Variants in KDM5B observed in about 807,000 individuals in gnomAD.
KDM5B encodes lysine demethylase 5B.
In KDM5B, 144 loss-of-function variants were observed where a neutral mutation model predicts 193.4. That is an observed-to-expected ratio of 0.74 (90% CI 0.65 to 0.86). The LOEUF is 0.86. Among genes scored for constraint, KDM5B ranks in the 40% least tolerant of loss-of-function variants. The probability of loss-of-function intolerance (pLI) is 0.00; values close to 1 mark genes in which losing one functional copy is unlikely to be tolerated. For synonymous variants in KDM5B, 668 were observed against 682.6 expected (o/e 0.98, Z 0.33); for missense variants, 1,833 against 1,886.9 (o/e 0.97, Z 0.53).
chr1:202,741,089 C>T (rs1024686311), intron 19 of KDM5B, among the ~76,000 whole-genome samples: 5 of 152,140 alleles, frequency 3.3e-5, no homozygotes, highest in African/African-American at 7.2e-5. Flanking sequence ...CTCAAAGACA[C>T]GATATTAACA....
In KDM5B at chr1:202,758,465, T is replaced by G; in HGVS notation, c.1123A>C (p.Arg375=). 6.2e-7 allele frequency: 1 copy of G among 1,612,090 alleles called. No homozygotes were observed. The highest frequency in any genetic ancestry group is 8.5e-7 in the Non-Finnish European group (1 of 1,178,538). ...CCAAAAGTACGGAGGGTATAGTCCC[T>G]GGCTGCTTGTTCAAAGCCAAATGCT... ...QEAFGFEQAA[R]DYTLRTFGEM... Residue 375 remains arginine, a synonymous_variant, in exon 9 of 27, where the codon AGG becomes CGG. Coordinates refer to ENST00000367265, the MANE Select transcript of KDM5B (RefSeq NM_006618.5).
intron 20 of KDM5B, among the ~76,000 whole-genome samples, chr1:202,737,994 G>C (rs1655158686): frequency 6.6e-6 from 1 of 152,188 alleles, no homozygotes; most frequent in African/African-American, 2.4e-5. Flanking sequence ...ATAAATTAAT[G>C]CTATTCCTAT....
At chr1:202,775,856 CAAA>C (rs35222749) in intron 2 of KDM5B, among the ~76,000 whole-genome samples, 159 of 21,416 alleles carry the variant, frequency 7.4e-3, no homozygotes, top group African/African-American at 0.012. Flanking sequence ...ACTCTTGTCT[CAAA>C]AAAAAAAAAA....
chr1:202,808,354 G>T lies in KDM5B; in HGVS notation c.-49C>A, dbSNP rs774117977. On this transcript the variant is annotated 5_prime_UTR_variant, in exon 1 of 27. Transcript: ENST00000367265. ...GGCGAAGGTGGGCTCCGGGACCGAG[G>T]CTGCGAGCTCCGCTCGGTCCGAGAC... 13 of 1,486,160 alleles carry T rather than the reference G, an allele frequency of 8.7e-6. No homozygotes were observed. The highest frequency in any genetic ancestry group is 1.1e-5 in the Non-Finnish European group (12 of 1,117,546). 92.1% of individuals were successfully genotyped at this position (1,486,160 alleles called of 1,614,324 possible). A position where few individuals can be genotyped will look rare whatever the true frequency, so the allele number is the denominator to read the frequency against.
At position 202,764,135 on chromosome 1, in the gene KDM5B, A is replaced by G. The variant is rs747537029; in HGVS notation, c.722T>C (p.Ile241Thr). The G allele has an allele frequency of 6.5e-7, 1 of 1,536,870 alleles. No homozygotes were observed. The highest frequency in any genetic ancestry group is 1.2e-5 in the South Asian group (1 of 81,966). ...CGTTGTCTCCTCGGGTTCTATTTTA[A>G]TATTCATGGCCTTAAAAAAATTGTC... The part of the protein sequence containing the change: ...AKRMRAEAMN[I>T]KIEPEETTEA... The change falls in exon 6 of 27, where the codon ATT (isoleucine) becomes ACT (threonine). Residue 241 changes from isoleucine (I) to threonine (T), a missense_variant. Physicochemically the swap from Ile to Thr is moderately conservative, Grantham distance 89 (BLOSUM62 -1). Around this residue, in one of 3 missense-constraint regions of KDM5B, gnomAD observed 355 missense variants for 374.9 expected, o/e 0.95. Coordinates refer to ENST00000367265, the MANE Select transcript of KDM5B (RefSeq NM_006618.5).
At chr1:202,792,510 G>C (rs1443182146) in intron 1 of KDM5B, among the ~76,000 whole-genome samples, 1 of 152,100 alleles carries the variant, frequency 6.6e-6, no homozygotes, top group African/African-American at 2.4e-5. Context: ...GAGTTGATGA[G>C]CCAGGAGTTT....
At position 202,730,893 on chromosome 1, in the gene KDM5B, C is replaced by T; in HGVS notation, c.4176+16G>A. On this transcript the variant is annotated intron_variant, in intron 25 of 26. Transcript: ENST00000367265. ...CCCAGACTGTGCCTTGCCCCAGAAG[C>T]CTCTCAGACACTCACCTTCTCACTG... 1.9e-6 allele frequency: 3 copies of T among 1,574,106 alleles called. No individual in the cohort carries two copies. Among genetic ancestry groups the T allele is most frequent in the Non-Finnish European group, 2.6e-6 (3 of 1,157,142 alleles).
At position 202,741,670 on chromosome 1, in the gene KDM5B, G is replaced by A; in HGVS notation, c.2642C>T (p.Ser881Phe). 1 of 1,613,842 alleles carries A rather than the reference G, an allele frequency of 6.2e-7. No individual in the cohort carries two copies. The highest frequency in any genetic ancestry group is 8.5e-7 in the Non-Finnish European group (1 of 1,179,940). ...CTCCGCAGCACTAGGCGTTTCCTCA[G>A]AGAGTAGTTTCTGACTATGCTGTTG... Reference protein sequence around the residue: ...DFQQHSQKLLSEETPSAAELQ... With the variant: ...DFQQHSQKLLFEETPSAAELQ... Residue 881 changes from serine to phenylalanine, a missense_variant, in exon 19 of 27, where the codon TCT (serine) becomes TTT (phenylalanine). This residue lies in a region of KDM5B where 1,379 missense variants were observed against 1,349.6 expected (regional missense o/e 1.02). Coordinates refer to ENST00000367265, the MANE Select transcript of KDM5B (RefSeq NM_006618.5).
At chr1:202,740,062 C>T (rs951563493) in intron 20 of KDM5B, among the ~76,000 whole-genome samples, 8 of 151,792 alleles carry the variant, frequency 5.3e-5, no homozygotes, top group African/African-American at 1.9e-4. Context: ...CGGGCAGAGG[C>T]GCCCCTCACC....
At chr1:202,771,890 A>T (rs1656735486) in intron 4 of KDM5B, among the ~76,000 whole-genome samples, 1 of 152,130 alleles carries the variant, frequency 6.6e-6, no homozygotes, top group Admixed American at 6.5e-5. Context: ...CACATTCAAC[A>T]TTCTAAACAA....
rs1156381835 is a variant in KDM5B, at chr1:202,725,449, G to A, written c.*3587C>T. On this transcript the variant is annotated 3_prime_UTR_variant, in exon 27 of 27. Transcript: ENST00000367265. ...ACATGAAGCCTCCCAAAAGAAAGCT[G>A]AGAAGCTTAAAATAGCCACATGCAA... is the stretch of plus-strand genomic sequence containing the variant. 3 of 152,206 alleles carry A rather than the reference G, an allele frequency of 2.0e-5. No individual in the cohort carries two copies. The highest frequency in any genetic ancestry group is 7.2e-5 in the African/African-American group (3 of 41,448). The allele number at this position is 152,206 out of a possible 1,614,324, so 9.4% of individuals were successfully genotyped here. A position where few individuals can be genotyped will look rare whatever the true frequency, so the allele number is the denominator to read the frequency against.
intron 1 of KDM5B, among the ~76,000 whole-genome samples, chr1:202,781,934 AT>A (rs1157635052): frequency 6.6e-6 from 1 of 152,214 alleles, no homozygotes; most frequent in African/African-American, 2.4e-5. Flanking sequence ...AATTATAAAG[AT>A]ATTTGATGTT....
chr1:202,808,192 G>C lies in KDM5B; in HGVS notation c.114C>G (p.Ser38Arg). ...CGAAGGGGTCCGCGAACTCTTCCCA[G>C]CTGGGTTCGAAGACCGGGCACTCGG... ...PPPECPVFEP[S>R]WEEFADPFAF... The change falls in exon 1 of 27, where the codon AGC becomes AGG. Residue 38 changes from serine (S) to arginine (R), a missense_variant. Physicochemically the swap from Ser to Arg is moderately radical, Grantham distance 110. Transcript: ENST00000367265. The C allele has an allele frequency of 6.2e-7, 1 of 1,613,162 alleles. No individual in the cohort carries two copies. The highest frequency in any genetic ancestry group is 8.5e-7 in the Non-Finnish European group (1 of 1,179,594).
chr1:202,804,739 G>T (rs1221926957), intron 1 of KDM5B, among the ~76,000 whole-genome samples: 2 of 152,022 alleles, frequency 1.3e-5, no homozygotes, highest in Non-Finnish European at 2.9e-5. Context: ...GCCCGGCACG[G>T]TGGCTCACGC....
At chr1:202,771,430 G>A (rs1021629493) in intron 4 of KDM5B, among the ~76,000 whole-genome samples, 12 of 148,026 alleles carry the variant, frequency 8.1e-5, no homozygotes, top group African/African-American at 3.0e-4. Context: ...TAGTAAATGC[G>A]GGGTTTTGCC....
intron 1 of KDM5B, among the ~76,000 whole-genome samples, chr1:202,781,368 C>T (rs1657190765): frequency 6.6e-6 from 1 of 152,238 alleles, no homozygotes; most frequent in African/African-American, 2.4e-5. Context: ...AAAATGCCCG[C>T]CGGTGATGCA....
chr1:202,804,840 G>A (rs544921962), intron 1 of KDM5B, among the ~76,000 whole-genome samples: 1 of 144,056 alleles, frequency 6.9e-6, no homozygotes, highest in Non-Finnish European at 1.5e-5. Context: ...CTCCAGGCCT[G>A]GGCAACAAGA....
chr1:202,733,649 A>G lies in KDM5B; in HGVS notation c.3661T>C (p.Cys1221Arg). ...AATGGAGGTTTCTCTGACCTCCGACAATGGGGACAAAGCCAGATTCGCAGG... is the reference window on the plus strand; with the variant it reads ...AATGGAGGTTTCTCTGACCTCCGACGATGGGGACAAAGCCAGATTCGCAGG... ...QGLRIWLCPH[C>R]RRSEKPPLEK... is the part of the protein sequence containing the mutation. The change falls in exon 23 of 27, where the codon TGT (cysteine) becomes CGT (arginine). Residue 1221 changes from cysteine to arginine, a missense_variant. Coordinates refer to ENST00000367265, the MANE Select transcript of KDM5B (RefSeq NM_006618.5). The G allele has an allele frequency of 6.2e-7, 1 of 1,614,124 alleles. No individual in the cohort carries two copies. Among genetic ancestry groups the G allele is most frequent in the Non-Finnish European group, 8.5e-7 (1 of 1,180,008 alleles).
chr1:202,753,939 C>T (rs1436033821), intron 11 of KDM5B, among the ~76,000 whole-genome samples: 1 of 152,174 alleles, frequency 6.6e-6, no homozygotes. Context: ...GCTGAGATTA[C>T]AGGCGTGAGC....
Sources: allele counts gnomAD v4.1 joint callset (sites outside exome capture counted in the v4.1 genomes callset), GRCh38; gene constraint gnomAD v4.1.1; regional missense constraint gnomAD v4.1.1; transcripts MANE v1.5; gene names NCBI Gene and HGNC (gene_info 2026-07-23, HGNC 2026-07-21).